Variants in GPC6 observed in about 807,000 individuals in gnomAD.
The protein encoded by GPC6 is glypican 6, also known as glypican-6.
Under a neutral mutation model 55.2 loss-of-function variants are expected in GPC6, and 14 were observed. The observed-to-expected ratio is 0.25, with a 90% CI of 0.17 to 0.40. The LOEUF (loss-of-function observed/expected upper bound fraction) is 0.40. Ranked by LOEUF, GPC6 falls within the 10% of genes least tolerant of loss-of-function variation. The probability of loss-of-function intolerance (pLI) is 1.00; values close to 1 mark genes in which losing one functional copy is unlikely to be tolerated. For synonymous variants in GPC6, 278 were observed against 259.6 expected, an observed-to-expected ratio of 1.07 and a Z score of -0.68; for missense variants, 641 against 708.5, an observed-to-expected ratio of 0.90 and a Z score of 1.08.
At chr13:94,401,983 T>C (rs1473986620) in intron 8 of GPC6, among the ~76,000 whole-genome samples, 1 of 152,100 alleles carries the variant, frequency 6.6e-6, no homozygotes, top group Admixed American at 6.5e-5. Context: ...ATAGACTTTA[T>C]GGATATCTAT....
At position 93,466,214 on chromosome 13, in the gene GPC6, T is replaced by TAA. The variant is rs4001863; in HGVS notation, c.161-79041_161-79040dup. Among the ~76,000 whole-genome samples, 1,181 of 150,710 alleles carry TAA rather than the reference T, an allele frequency of 7.8e-3. 18 individuals are homozygous for TAA. Among genetic ancestry groups the TAA allele is most frequent in the African/African-American group, 0.027 (1,123 of 41,048 alleles). On this transcript the variant is annotated intron_variant, in intron 1 of 8. Transcript: ENST00000377047. ...AGGGTTGCCACAAACTTTCAAATTG[T>TAA]AAAAAAAAACAGTATCTGTGAAGAA... is the stretch of plus-strand genomic sequence containing the variant.
chr13:93,604,777 T>G (rs1014282416), intron 2 of GPC6, among the ~76,000 whole-genome samples: 1 of 152,194 alleles, frequency 6.6e-6, no homozygotes, highest in Non-Finnish European at 1.5e-5. Context: ...AATTTATCAG[T>G]GCCTAGTGAG....
intron 5 of GPC6, among the ~76,000 whole-genome samples, chr13:94,294,630 G>A (rs1477882817): frequency 6.6e-6 from 1 of 151,644 alleles, no homozygotes; most frequent in East Asian, 1.9e-4. Context: ...CCAGCATCCA[G>A]ATCTTTTTTT....
Position 94,027,791 on chromosome 13 carries a change from G to T in GPC6, c.774G>T (p.Arg258=), listed in dbSNP as rs1274447661. The T allele has an allele frequency of 6.2e-7, 1 of 1,613,916 alleles. No individual in the cohort carries two copies. Among genetic ancestry groups the T allele is most frequent in the Non-Finnish European group, 8.5e-7 (1 of 1,179,870 alleles). The change falls in exon 4 of 9, where the codon CGG becomes CGT. Residue 258 remains arginine (R), a synonymous_variant. Transcript: ENST00000377047. The part of the protein sequence containing the change: ...LMKMLYCPYC[R]GLPTVRPCNN... Reference sequence around the variant, plus strand: ...AGATGCTGTACTGCCCATACTGTCGGGGGCTTCCCACTGTGAGGCCCTGCA... The same window carrying T: ...AGATGCTGTACTGCCCATACTGTCGTGGGCTTCCCACTGTGAGGCCCTGCA...
At chr13:94,179,906 C>T (rs1004945972) in intron 4 of GPC6, among the ~76,000 whole-genome samples, 1 of 152,146 alleles carries the variant, frequency 6.6e-6, no homozygotes, top group Non-Finnish European at 1.5e-5. Context: ...TAGATATTTA[C>T]AGGAACCTAT....
At chr13:94,245,682 G>T (rs1030074793) in intron 4 of GPC6, among the ~76,000 whole-genome samples, 60 of 151,972 alleles carry the variant, frequency 3.9e-4, no homozygotes, top group African/African-American at 1.4e-3. Context: ...GTGGCAAATG[G>T]CAAGATCTCC....
chr13:93,405,916 C>A (rs1483450317), intron 1 of GPC6, among the ~76,000 whole-genome samples: 2 of 152,152 alleles, frequency 1.3e-5, no homozygotes, highest in Non-Finnish European at 2.9e-5. Context: ...GCCAATTAGA[C>A]TGGAAAGTCC....
intron 2 of GPC6, among the ~76,000 whole-genome samples, chr13:93,693,572 G>C (rs574486702): frequency 2.0e-5 from 3 of 151,616 alleles, no homozygotes; most frequent in Non-Finnish European, 4.4e-5. Context: ...TCTGTCTCCT[G>C]GGCGCAAGCA....
intron 8 of GPC6, among the ~76,000 whole-genome samples, chr13:94,398,965 T>A (rs574058260): frequency 6.6e-6 from 1 of 152,348 alleles, no homozygotes; most frequent in East Asian, 1.9e-4. Context: ...CCTGTCCTCA[T>A]CACTATTCAC....
intron 2 of GPC6, among the ~76,000 whole-genome samples, chr13:93,818,157 G>T (rs917894358): frequency 3.4e-5 from 5 of 148,702 alleles, no homozygotes; most frequent in Non-Finnish European, 7.4e-5. Context: ...CAGAAATGAA[G>T]GTAGGATATA....
At chr13:94,109,190 CT>C (rs1465259109) in intron 4 of GPC6, among the ~76,000 whole-genome samples, 1 of 152,166 alleles carries the variant, frequency 6.6e-6, no homozygotes, top group African/African-American at 2.4e-5. Context: ...CATAAAGGGC[CT>C]AGCGTTATGA....
At chr13:94,301,307 G>A (rs975383671) in intron 5 of GPC6, among the ~76,000 whole-genome samples, 5 of 152,162 alleles carry the variant, frequency 3.3e-5, no homozygotes, top group African/African-American at 9.7e-5. Flanking sequence ...TGAGGCAAGA[G>A]GATAGCCTGA....
At chr13:93,465,435 A>T (rs1371442297) in intron 1 of GPC6, among the ~76,000 whole-genome samples, 1 of 152,210 alleles carries the variant, frequency 6.6e-6, no homozygotes, top group Non-Finnish European at 1.5e-5. Flanking sequence ...GCAGTGTTCC[A>T]TTAGCACTTG....
intron 2 of GPC6, among the ~76,000 whole-genome samples, chr13:93,600,765 C>A (rs1007868844): frequency 1.4e-4 from 21 of 151,346 alleles, no homozygotes; most frequent in African/African-American, 4.9e-4. Context: ...GCCTGGCCAA[C>A]ATAGTGAAAT....
intron 2 of GPC6, among the ~76,000 whole-genome samples, chr13:93,568,522 A>G (rs779598724): frequency 1.3e-5 from 2 of 152,188 alleles, no homozygotes; most frequent in Non-Finnish European, 2.9e-5. Context: ...CGACTGTTCT[A>G]TACACATACC....
At chr13:94,000,199 T>C (rs1881737518) in intron 3 of GPC6, among the ~76,000 whole-genome samples, 1 of 152,334 alleles carries the variant, frequency 6.6e-6, no homozygotes, top group Non-Finnish European at 1.5e-5. Flanking sequence ...AGATAGTACG[T>C]TCCATGAACT....
intron 2 of GPC6, among the ~76,000 whole-genome samples, chr13:93,558,780 A>C (rs542628749): frequency 1.3e-5 from 2 of 152,284 alleles, no homozygotes; most frequent in East Asian, 3.9e-4. Flanking sequence ...ACAGGTTTAC[A>C]CTGTGGGGTT....
intron 6 of GPC6, among the ~76,000 whole-genome samples, chr13:94,377,729 A>G (rs1175330980): frequency 9.8e-5 from 15 of 152,324 alleles, no homozygotes; most frequent in Admixed American, 6.5e-4. Context: ...TCATGCTGCT[A>G]TAAAGACACA....
At chr13:93,869,875 G>A (rs1177440623) in intron 3 of GPC6, among the ~76,000 whole-genome samples, 1 of 151,774 alleles carries the variant, frequency 6.6e-6, no homozygotes, top group Admixed American at 6.6e-5. Context: ...CATTTTTCCT[G>A]GTATACTCCA....
Sources: gnomAD v4.1 joint callset for allele counts (sites outside exome capture counted in the v4.1 genomes callset) on GRCh38, gnomAD v4.1.1 for gene constraint, MANE v1.5 for transcripts, NCBI Gene and HGNC (gene_info 2026-07-23, HGNC 2026-07-21) for gene names.